The following NELL1 variants were observed in gnomAD, a reference collection of about 807,000 sequenced individuals.
NELL1 encodes the protein neural EGFL like 1.
Under a neutral mutation model 107.4 loss-of-function variants are expected in NELL1, and 76 were observed. The ratio of observed to expected loss-of-function variants is 0.71; its 90% CI spans 0.59 to 0.86. The LOEUF is 0.86. Ranked by LOEUF, NELL1 falls within the 40% of genes least tolerant of loss-of-function variation. The pLI, the probability that NELL1 is intolerant of heterozygous loss-of-function variation, is 0.00. For synonymous variants in NELL1, 353 were observed against 341.2 expected, an observed-to-expected ratio of 1.03 and a Z score of -0.38; for missense variants, 1,024 against 1,005.5, an observed-to-expected ratio of 1.02 and a Z score of -0.25.
intron 4 of NELL1, among the ~76,000 whole-genome samples, chr11:20,851,698 C>A (rs997622251): frequency 4.6e-5 from 7 of 152,130 alleles, no homozygotes; most frequent in Non-Finnish European, 1.0e-4. Flanking sequence ...TCATTCAGCC[C>A]ATCAAATTTA....
chr11:21,018,777 G>A (rs1852629644), intron 12 of NELL1, among the ~76,000 whole-genome samples: 1 of 152,082 alleles, frequency 6.6e-6, no homozygotes, highest in Admixed American at 6.6e-5. Context: ...TTTAGCGAGT[G>A]GGTTTACTGC....
intron 2 of NELL1, among the ~76,000 whole-genome samples, chr11:20,753,438 C>T (rs1308269709): frequency 2.6e-5 from 4 of 151,502 alleles, no homozygotes; most frequent in African/African-American, 9.7e-5. Flanking sequence ...ATTTTTTTTC[C>T]TCATGGCTTT....
Position 21,276,688 on chromosome 11 carries a change from G to A in NELL1, c.1549+47234G>A, listed in dbSNP as rs369978091. On this transcript the variant is annotated intron_variant, in intron 14 of 19. Transcript: ENST00000357134. ...GTAACCAAAACAGCATGGTACTGGT[G>A]CCAAAACAGAGATATAGACCAATGG... Among the ~76,000 whole-genome samples the A allele has an allele frequency of 6.1e-3, 924 of 152,068 alleles. 7 individuals are homozygous for A. The highest frequency in any genetic ancestry group is 0.021 in the African/African-American group (864 of 41,474).
intron 15 of NELL1, among the ~76,000 whole-genome samples, chr11:21,388,545 A>G (rs2133779114): frequency 6.6e-6 from 1 of 151,944 alleles, no homozygotes; most frequent in Non-Finnish European, 1.5e-5. Flanking sequence ...CATCTCAACA[A>G]AACAGTGTCA....
At chr11:21,362,624 C>T (rs1851103423) in intron 14 of NELL1, among the ~76,000 whole-genome samples, 1 of 152,134 alleles carries the variant, frequency 6.6e-6, no homozygotes, top group Non-Finnish European at 1.5e-5. Flanking sequence ...GGCCTCCAGC[C>T]AAGAGGTGGT....
At chr11:21,147,343 A>C (rs1856004557) in intron 13 of NELL1, among the ~76,000 whole-genome samples, 1 of 152,128 alleles carries the variant, frequency 6.6e-6, no homozygotes, top group African/African-American at 2.4e-5. Flanking sequence ...GCATTCCCCA[A>C]ATTTGTTTTC....
intron 10 of NELL1, among the ~76,000 whole-genome samples, chr11:20,943,426 A>G (rs1249685427): frequency 6.6e-6 from 1 of 152,016 alleles, no homozygotes; most frequent in East Asian, 1.9e-4. Context: ...CTACTAAAAT[A>G]CAAAAAATTA....
At chr11:21,242,081 C>G (rs1858377226) in intron 14 of NELL1, among the ~76,000 whole-genome samples, 1 of 151,774 alleles carries the variant, frequency 6.6e-6, no homozygotes, top group African/African-American at 2.4e-5. Context: ...ACTCTCAGCT[C>G]CTAAGTGAGA....
intron 12 of NELL1, among the ~76,000 whole-genome samples, chr11:21,071,247 G>A (rs961375212): frequency 1.3e-5 from 2 of 152,126 alleles, no homozygotes; most frequent in Non-Finnish European, 2.9e-5. Context: ...AGCCAGAATT[G>A]CATACTCTCT....
At chr11:21,031,163 G>A (rs182181953) in intron 12 of NELL1, among the ~76,000 whole-genome samples, 2 of 152,090 alleles carry the variant, frequency 1.3e-5, no homozygotes, top group East Asian at 3.9e-4. Context: ...ATAATGACTA[G>A]GTAACATTGC....
chr11:21,528,864 C>T (rs1475115619), intron 15 of NELL1, among the ~76,000 whole-genome samples: 1 of 152,058 alleles, frequency 6.6e-6, no homozygotes, highest in East Asian at 1.9e-4. Context: ...AAAACTTCTT[C>T]CACTCCTTTA....
At chr11:21,280,757 T>TAATAAACTTAAATAACAATTTAAGTTC (rs1423112064) in intron 14 of NELL1, among the ~76,000 whole-genome samples, 4 of 152,154 alleles carry the variant, frequency 2.6e-5, no homozygotes, top group Non-Finnish European at 4.4e-5. Flanking sequence ...TATTTAAGTT[T>TAATAAACTTAAATAACAATTTAAGTTC]AATAAACTTA....
chr11:21,070,108 A>T (rs1422383703), intron 12 of NELL1, among the ~76,000 whole-genome samples: 3 of 151,414 alleles, frequency 2.0e-5, no homozygotes, highest in Non-Finnish European at 4.4e-5. Flanking sequence ...TAACCTACTT[A>T]CTGAGTCACT....
intron 3 of NELL1, among the ~76,000 whole-genome samples, chr11:20,819,427 C>G (rs1004086237): frequency 1.3e-5 from 2 of 152,112 alleles, no homozygotes; most frequent in Non-Finnish European, 2.9e-5. Context: ...TGAAAAAGGC[C>G]GTTGTTTACA....
intron 13 of NELL1, among the ~76,000 whole-genome samples, chr11:21,140,044 A>G (rs1855831930): frequency 6.6e-6 from 1 of 152,182 alleles, no homozygotes; most frequent in Non-Finnish European, 1.5e-5. Context: ...CTCTATCAGA[A>G]GTGCTAGAAA....
intron 12 of NELL1, among the ~76,000 whole-genome samples, chr11:21,062,839 T>C (rs1853774525): frequency 6.6e-6 from 1 of 152,148 alleles, no homozygotes; most frequent in Non-Finnish European, 1.5e-5. Context: ...TTTATTTATT[T>C]ATTTTTTAGA....
At chr11:21,050,939 T>A (rs980116083) in intron 12 of NELL1, among the ~76,000 whole-genome samples, 1 of 152,142 alleles carries the variant, frequency 6.6e-6, no homozygotes, top group African/African-American at 2.4e-5. Context: ...CTGAGGTTGA[T>A]GGCTTTCCAA....
chr11:21,339,195 C>T (rs1187407109), intron 14 of NELL1, among the ~76,000 whole-genome samples: 1 of 152,192 alleles, frequency 6.6e-6, no homozygotes, highest in Non-Finnish European at 1.5e-5. Context: ...CATATAAAAT[C>T]ATGAAGATGT....
intron 15 of NELL1, among the ~76,000 whole-genome samples, chr11:21,527,160 C>A (rs1855875776): frequency 1.3e-5 from 2 of 152,140 alleles, no homozygotes. Context: ...AGGGCAGGGG[C>A]AAAAATGCTG....
Sources: allele counts gnomAD v4.1 joint callset (sites outside exome capture counted in the v4.1 genomes callset), GRCh38; gene constraint gnomAD v4.1.1; transcripts MANE v1.5; gene names NCBI Gene and HGNC (gene_info 2026-07-23, HGNC 2026-07-21).